MYOF: variants seen among roughly 807,000 people sequenced by gnomAD.
MYOF encodes the protein fer-1-like 3, myoferlin.
In MYOF, 244 loss-of-function variants were observed where a neutral mutation model predicts 284.2. That is an observed-to-expected ratio of 0.86 (90% confidence interval 0.77 to 0.95). MYOF has a LOEUF of 0.95. MYOF is among the 40% of genes least tolerant of loss of function. The pLI, the probability that MYOF is intolerant of heterozygous loss-of-function variation, is 0.00. For missense variants in MYOF, 2,496 were observed against 2,560.6 expected, an observed-to-expected ratio of 0.97 and a Z score of 0.54; for synonymous variants, 904 against 919.7, an observed-to-expected ratio of 0.98 and a Z score of 0.31.
intron 5 of MYOF, among the ~76,000 whole-genome samples, chr10:93,418,149 T>A (rs747888879): frequency 2.0e-5 from 3 of 152,078 alleles, no homozygotes; most frequent in Admixed American, 6.5e-5. Context: ...TCTTGTTAAG[T>A]GGTGGTACTG....
chr10:93,336,170 T>C (rs1843599083), intron 40 of MYOF, 124 bp from the exon 41 acceptor site: 3 of 1,084,198 alleles, frequency 2.8e-6, no homozygotes, highest in Non-Finnish European at 3.9e-6. Flanking sequence ...CCCAAATCGC[T>C]GGCGGGAGTG....
intron 19 of MYOF, among the ~76,000 whole-genome samples, chr10:93,386,580 C>T (rs1846375982): frequency 6.6e-6 from 1 of 152,162 alleles, no homozygotes; most frequent in South Asian, 2.1e-4. Flanking sequence ...GGAGCCTGCT[C>T]CTTTCCTCTC....
Position 93,378,693 on chromosome 10 carries a change from G to GTGTGTGTGTGTGTA in MYOF, c.2001+1169_2001+1170insTACACACACACACA. Among the ~76,000 whole-genome samples the GTGTGTGTGTGTGTA allele has an allele frequency of 8.2e-3, 719 of 87,894 alleles. 18 individuals are homozygous for GTGTGTGTGTGTGTA. Among genetic ancestry groups the GTGTGTGTGTGTGTA allele is most frequent in the African/African-American group, 0.032 (671 of 20,798 alleles). 57.7% of individuals were successfully genotyped at this position (87,894 alleles called of 152,430 possible). A position where few individuals can be genotyped will look rare whatever the true frequency, so the allele number is the denominator to read the frequency against. On this transcript the variant is annotated intron_variant, in intron 21 of 53. Transcript: ENST00000359263. ...TATGTGTGTGTGTATGTGTGTGTGT[G>GTGTGTGTGTGTGTA]TATATATATATATATATATATATGT... is the stretch of plus-strand genomic sequence containing the variant.
chr10:93,369,110 C>CATTTTT (rs1845458893), intron 25 of MYOF, among the ~76,000 whole-genome samples: 2 of 78,308 alleles, frequency 2.6e-5, no homozygotes, highest in Non-Finnish European at 4.2e-5. Flanking sequence ...ATTCAGACAG[C>CATTTTT]TTTTTTTTTT....
intron 5 of MYOF, among the ~76,000 whole-genome samples, chr10:93,411,580 T>C (rs950448721): frequency 6.6e-6 from 1 of 151,982 alleles, no homozygotes; most frequent in Non-Finnish European, 1.5e-5. Context: ...GAACCAGCTA[T>C]GGGGGGTGTG....
At chr10:93,423,525 GAAAA>G (rs59012520) in intron 5 of MYOF, among the ~76,000 whole-genome samples, 6 of 14,872 alleles carry the variant, frequency 4.0e-4, no homozygotes, top group Non-Finnish European at 7.7e-4. Flanking sequence ...GACTCCATCT[GAAAA>G]AAAAAAAAAA....
chr10:93,307,280 A>T (rs1842150179), intron 53 of MYOF, among the ~76,000 whole-genome samples: 2 of 151,842 alleles, frequency 1.3e-5, no homozygotes, highest in Non-Finnish European at 2.9e-5. Flanking sequence ...CTAATTGGGA[A>T]CCACTGGTTT....
chr10:93,438,443 C>T (rs2056138809), intron 3 of MYOF, among the ~76,000 whole-genome samples: 1 of 152,146 alleles, frequency 6.6e-6, no homozygotes, highest in African/African-American at 2.4e-5. Flanking sequence ...GGCTGCGCCT[C>T]GGTTCACCCC....
At chr10:93,403,925 C>T in intron 9 of MYOF, 98 bp downstream of exon 9, 5 of 1,328,072 alleles carry the variant, frequency 3.8e-6, no homozygotes, top group Middle Eastern at 2.4e-4. Context: ...CTTACACATT[C>T]CCAAGATGCC....
At chr10:93,332,524 C>T (rs1239041837) in intron 43 of MYOF, among the ~76,000 whole-genome samples, 1 of 151,858 alleles carries the variant, frequency 6.6e-6, no homozygotes, top group East Asian at 2.0e-4. Context: ...CTGGCCCTCA[C>T]TCTTCTCTTA....
chr10:93,475,045 G>A (rs1384301196), intron 1 of MYOF, among the ~76,000 whole-genome samples: 1 of 152,120 alleles, frequency 6.6e-6, no homozygotes, highest in African/African-American at 2.4e-5. Context: ...CATCATGACC[G>A]GGCTTGAAGC....
chr10:93,353,248 A>G (rs1844612172), intron 32 of MYOF, among the ~76,000 whole-genome samples: 1 of 152,146 alleles, frequency 6.6e-6, no homozygotes, highest in African/African-American at 2.4e-5. Context: ...CCTTGCCAAT[A>G]GCCTTCCTCT....
At chr10:93,341,775 T>A (rs1843929347) in intron 38 of MYOF, 5 of 453,036 alleles carry the variant, frequency 1.1e-5, no homozygotes, top group Non-Finnish European at 1.8e-5. Context: ...TCTTTTAGGC[T>A]TAAAACAATC....
chr10:93,401,792 C>CGTGTGT (rs57326000), intron 11 of MYOF, among the ~76,000 whole-genome samples: 79 of 94,496 alleles, frequency 8.4e-4, no homozygotes, highest in Middle Eastern at 6.5e-3. Flanking sequence ...AGAGCCTGTG[C>CGTGTGT]GTGTGTGTGT....
intron 48 of MYOF, 81 bp downstream of exon 48, chr10:93,322,997 G>C (rs1356555423): frequency 4.5e-6 from 6 of 1,327,710 alleles, no homozygotes; most frequent in Non-Finnish European, 6.5e-6. Context: ...TCCTATCTTG[G>C]GCATATTCAG....
intron 37 of MYOF, among the ~76,000 whole-genome samples, chr10:93,345,653 G>A (rs1480309807): frequency 6.6e-6 from 1 of 152,190 alleles, no homozygotes; most frequent in African/African-American, 2.4e-5. Context: ...CTGAACATAA[G>A]TTCTTTCCTA....
At chr10:93,473,624 G>T (rs2057198449) in intron 1 of MYOF, among the ~76,000 whole-genome samples, 1 of 152,232 alleles carries the variant, frequency 6.6e-6, no homozygotes, top group Non-Finnish European at 1.5e-5. Context: ...GAGCTGACAT[G>T]ATTCTGGCTC....
At chr10:93,468,875 G>A (rs1474254722) in intron 1 of MYOF, among the ~76,000 whole-genome samples, 1 of 152,104 alleles carries the variant, frequency 6.6e-6, no homozygotes, top group African/African-American at 2.4e-5. Flanking sequence ...GACAGAGGGT[G>A]GAATTAAAAT....
In MYOF at chr10:93,374,623, C is replaced by T. The variant is rs887533188; in HGVS notation, c.2301+140G>A. On this transcript the variant is annotated intron_variant, in intron 23 of 53. Coordinates refer to ENST00000359263, the MANE Select transcript of MYOF (RefSeq NM_013451.4). ...ATTAGCATCCTCAGCCCAGTTACTC[C>T]CTGATTTTTACAATCTGTCAGAGCT... 1.8e-5 allele frequency: 15 copies of T among 810,850 alleles called. No homozygotes were observed. In the African/African-American group the frequency reaches 2.4e-4, roughly 13 times the overall value. 50.2% of individuals were successfully genotyped at this position (810,850 alleles called of 1,614,324 possible). A position where few individuals can be genotyped will look rare whatever the true frequency, so the allele number is the denominator to read the frequency against.
Sources: allele counts gnomAD v4.1 joint callset (sites outside exome capture counted in the v4.1 genomes callset), GRCh38; gene constraint gnomAD v4.1.1; transcripts MANE v1.5; gene names NCBI Gene and HGNC (gene_info 2026-07-23, HGNC 2026-07-21).